The following SCN2A variants were observed in gnomAD, a reference collection of about 807,000 sequenced individuals.
SCN2A encodes the protein sodium voltage-gated channel alpha subunit 2.
SCN2A carries 20 observed loss-of-function variants against 188.7 expected under a neutral mutation model. The observed-to-expected ratio is 0.11, with a 90% confidence interval of 0.07 to 0.15. SCN2A has a LOEUF of 0.15. SCN2A is among the 10% of genes least tolerant of loss of function. SCN2A has a pLI of 1.00. For synonymous variants in SCN2A, 804 were observed against 833.1 expected (o/e 0.97, Z 0.60); for missense variants, 1,278 against 2,445.0 (o/e 0.52, Z 10.07).
chr2:165,275,494 G>A (rs1224332764), intron 1 of SCN2A, among the ~76,000 whole-genome samples: 1 of 152,186 alleles, frequency 6.6e-6, no homozygotes, highest in East Asian at 1.9e-4. Flanking sequence ...CAAGGGCAAG[G>A]TTTTGTCTGT....
At chr2:165,260,300 C>T (rs773478018) in intron 1 of SCN2A, among the ~76,000 whole-genome samples, 4 of 152,060 alleles carry the variant, frequency 2.6e-5, no homozygotes, top group Non-Finnish European at 5.9e-5. Context: ...CCATGGAGTG[C>T]GGGCATGAAA....
intron 14 of SCN2A, among the ~76,000 whole-genome samples, chr2:165,341,133 G>A (rs1029408648): frequency 6.6e-6 from 1 of 152,020 alleles, no homozygotes; most frequent in African/African-American, 2.4e-5. Context: ...TTGCTCTTTC[G>A]CCCAGGCTGG....
intron 3 of SCN2A, among the ~76,000 whole-genome samples, chr2:165,306,631 A>G (rs563787930): frequency 4.1e-4 from 63 of 152,056 alleles, no homozygotes; most frequent in African/African-American, 1.4e-3. Context: ...GAAAAAACTG[A>G]GAATTAAGCA....
At chr2:165,329,222 A>G (rs945896319) in intron 13 of SCN2A, among the ~76,000 whole-genome samples, 3 of 152,142 alleles carry the variant, frequency 2.0e-5, no homozygotes, top group African/African-American at 7.2e-5. Context: ...ATGAAGCAGT[A>G]GTGGATAAGC....
intron 14 of SCN2A, among the ~76,000 whole-genome samples, chr2:165,338,368 T>C (rs1324290589): frequency 1.3e-5 from 2 of 151,914 alleles, no homozygotes; most frequent in South Asian, 4.2e-4. Context: ...CACGTTGTTC[T>C]GCTGCCTTAG....
At chr2:165,340,179 A>G (rs1172324790) in intron 14 of SCN2A, among the ~76,000 whole-genome samples, 1 of 152,230 alleles carries the variant, frequency 6.6e-6, no homozygotes, top group Admixed American at 6.5e-5. Flanking sequence ...AATCAATAAA[A>G]CATCTGAAAT....
intron 14 of SCN2A, among the ~76,000 whole-genome samples, chr2:165,338,771 G>A (rs574405016): frequency 6.6e-6 from 1 of 152,152 alleles, no homozygotes; most frequent in Non-Finnish European, 1.5e-5. Flanking sequence ...TCAATTAATT[G>A]GCCATATTAC....
rs147668641 is a variant in SCN2A at position 165,369,245 on chromosome 2, G to C, written c.3676-881G>C. Reference sequence around the variant, plus strand: ...CACCTTGCCAGACATGCTTTCTAAAGCCAAGTAGAGAGAGAACTATGAAGT... The same window carrying C: ...CACCTTGCCAGACATGCTTTCTAAACCCAAGTAGAGAGAGAACTATGAAGT... On this transcript the variant is annotated intron_variant, in intron 19 of 26. Transcript: ENST00000375437. Among the ~76,000 whole-genome samples the C allele has an allele frequency of 1.0e-3, 157 of 152,212 alleles. 4 individuals are homozygous for C. The East Asian group carries it at 0.028, about 28-fold the overall frequency.
intron 14 of SCN2A, among the ~76,000 whole-genome samples, chr2:165,334,038 G>A (rs1698842775): frequency 6.7e-6 from 1 of 148,412 alleles, no homozygotes; most frequent in Non-Finnish European, 1.5e-5. Context: ...AATTCCTAGG[G>A]AGTAACAAGC....
chr2:165,380,848 G>A, intron 24 of SCN2A, 119 bp downstream of exon 24: 1 of 875,666 alleles, frequency 1.1e-6, no homozygotes. Flanking sequence ...AAATTATTTT[G>A]AGACATTTGA....
chr2:165,376,447 A>C (rs1701318509), intron 22 of SCN2A, among the ~76,000 whole-genome samples: 1 of 151,920 alleles, frequency 6.6e-6, no homozygotes, highest in Non-Finnish European at 1.5e-5. Context: ...AATAAAATAA[A>C]ATTTTTCTTC....
intron 5 of SCN2A, 51 bp from the exon 6 acceptor site, chr2:165,309,301 A>G: frequency 2.5e-6 from 4 of 1,613,364 alleles, no homozygotes; most frequent in Middle Eastern, 1.6e-4. Flanking sequence ...TATATCTCCA[A>G]CTGTTTCTTG....
At chr2:165,307,547 C>T (rs1264387251) in intron 3 of SCN2A, among the ~76,000 whole-genome samples, 1 of 151,980 alleles carries the variant, frequency 6.6e-6, no homozygotes, top group Non-Finnish European at 1.5e-5. Context: ...TTGAGTCTGT[C>T]GTTAAGAAAA....
chr2:165,305,470 G>A (rs943015505), intron 3 of SCN2A, among the ~76,000 whole-genome samples: 1 of 152,146 alleles, frequency 6.6e-6, no homozygotes, highest in Non-Finnish European at 1.5e-5. Context: ...CTAGGATGAG[G>A]AGAGTAGAAG....
intron 15 of SCN2A, 57 bp from the exon 16 acceptor site, chr2:165,344,498 A>G: frequency 5.4e-6 from 6 of 1,114,616 alleles, no homozygotes; most frequent in Non-Finnish European, 7.2e-6. Flanking sequence ...ATAAAATAAA[A>G]TTGCAGATTT....
At chr2:165,349,424 C>A (rs1238353098) in intron 16 of SCN2A, among the ~76,000 whole-genome samples, 1 of 152,092 alleles carries the variant, frequency 6.6e-6, no homozygotes, top group Non-Finnish European at 1.5e-5. Flanking sequence ...CAGGAGAATG[C>A]AGAATAGATT....
At chr2:165,265,468 G>GATATATATATATAT (rs1436110486) in intron 1 of SCN2A, among the ~76,000 whole-genome samples, 2 of 19,770 alleles carry the variant, frequency 1.0e-4, no homozygotes, top group African/African-American at 3.5e-4. Flanking sequence ...TTACTCTGTT[G>GATATATATATATAT]ATCTATATAT....
At chr2:165,259,482 A>G (rs1694478521) in intron 1 of SCN2A, among the ~76,000 whole-genome samples, 1 of 152,264 alleles carries the variant, frequency 6.6e-6, no homozygotes, top group Admixed American at 6.5e-5. Flanking sequence ...CCACTGCTTT[A>G]TCAACAAGTT....
chr2:165,369,597 C>T (rs934776800), intron 19 of SCN2A, among the ~76,000 whole-genome samples: 1 of 151,992 alleles, frequency 6.6e-6, no homozygotes, highest in Admixed American at 6.6e-5. Flanking sequence ...AAATGAGTTA[C>T]CCACTCTTTC....
Sources: gnomAD v4.1 joint callset for allele counts (sites outside exome capture counted in the v4.1 genomes callset) on GRCh38, gnomAD v4.1.1 for gene constraint, MANE v1.5 for transcripts, NCBI Gene and HGNC (gene_info 2026-07-23, HGNC 2026-07-21) for gene names.